CNTN4: variants seen among roughly 807,000 people sequenced by gnomAD.
CNTN4 encodes the protein contactin-4.
In CNTN4, 77 loss-of-function variants were observed where a neutral mutation model predicts 122.5. The observed-to-expected ratio is 0.63, with a 90% CI of 0.52 to 0.76. CNTN4 has a LOEUF of 0.76. Among genes scored for constraint, CNTN4 ranks in the 30% least tolerant of loss-of-function variants. CNTN4 has a pLI of 0.00. For missense variants in CNTN4, 1,256 were observed against 1,259.1 expected, an observed-to-expected ratio of 1.00 and a Z score of 0.04; for synonymous variants, 512 against 447.0, an observed-to-expected ratio of 1.15 and a Z score of -1.83.
intron 3 of CNTN4, among the ~76,000 whole-genome samples, chr3:2,371,440 T>C (rs2045630084): frequency 8.4e-6 from 1 of 119,160 alleles, no homozygotes; most frequent in African/African-American, 3.3e-5. Flanking sequence ...CACTTTTTCC[T>C]TTTTTCCTCT....
chr3:2,872,774 A>G (rs1024930135), intron 8 of CNTN4, among the ~76,000 whole-genome samples: 13 of 152,162 alleles, frequency 8.5e-5, no homozygotes, highest in African/African-American at 3.1e-4. Context: ...AGGTATGTAT[A>G]TATAAACCAG....
intron 2 of CNTN4, among the ~76,000 whole-genome samples, chr3:2,190,806 G>GCACA (rs34364522): frequency 0.08 from 11,856 of 147,514 alleles, 494 homozygotes; most frequent in African/African-American, 0.091. Context: ...AGGACTTTAT[G>GCACA]CACACACACA....
intron 2 of CNTN4, among the ~76,000 whole-genome samples, chr3:2,245,923 C>G (rs1218272437): frequency 2.6e-5 from 4 of 151,938 alleles, no homozygotes; most frequent in African/African-American, 7.2e-5. Flanking sequence ...TTTCTCTCAG[C>G]TCTTCTTTCA....
chr3:3,045,590 A>G (rs1700565556), intron 23 of CNTN4, among the ~76,000 whole-genome samples: 2 of 152,268 alleles, frequency 1.3e-5, no homozygotes, highest in South Asian at 4.1e-4. Flanking sequence ...AAGGAACACT[A>G]ACAAACAGAA....
chr3:2,552,463 C>T (rs1442857003), intron 3 of CNTN4, among the ~76,000 whole-genome samples: 1 of 152,156 alleles, frequency 6.6e-6, no homozygotes, highest in Admixed American at 6.6e-5. Flanking sequence ...GACAAATGCT[C>T]ATCATGTTGT....
At chr3:2,160,077 A>G (rs1422533510) in intron 2 of CNTN4, among the ~76,000 whole-genome samples, 1 of 152,172 alleles carries the variant, frequency 6.6e-6, no homozygotes, top group Non-Finnish European at 1.5e-5. Flanking sequence ...AGTTAAATGC[A>G]TAGTTTCCTA....
At chr3:2,840,359 T>C (rs941010560) in intron 7 of CNTN4, among the ~76,000 whole-genome samples, 64 of 152,036 alleles carry the variant, frequency 4.2e-4, no homozygotes, top group African/African-American at 1.5e-3. Context: ...TTGTTCCTGC[T>C]TGCCCTTCTC....
chr3:2,099,418 G>A (rs561495432), intron 1 of CNTN4: 1 of 152,658 alleles, frequency 6.6e-6, no homozygotes, highest in Admixed American at 6.5e-5. Flanking sequence ...CTGGCGCCGG[G>A]TTCCCGGCGG....
chr3:2,908,891 G>T (rs1167602874), intron 12 of CNTN4, among the ~76,000 whole-genome samples: 2 of 152,196 alleles, frequency 1.3e-5, no homozygotes, highest in African/African-American at 2.4e-5. Flanking sequence ...TATCCCGGGG[G>T]TTCTCCTGGC....
At chr3:2,894,003 C>T (rs1215575955) in intron 10 of CNTN4, among the ~76,000 whole-genome samples, 1 of 152,006 alleles carries the variant, frequency 6.6e-6, no homozygotes, top group Non-Finnish European at 1.5e-5. Flanking sequence ...ACTTAATTTA[C>T]TTTAAAATAA....
intron 4 of CNTN4, among the ~76,000 whole-genome samples, chr3:2,613,159 C>T (rs79261416): frequency 0.01 from 1,531 of 146,322 alleles, 20 homozygotes; most frequent in African/African-American, 0.037. Context: ...AGATAGCTTC[C>T]GTAGTTCTAA....
intron 3 of CNTN4, among the ~76,000 whole-genome samples, chr3:2,426,691 G>C (rs529438450): frequency 4.6e-5 from 7 of 152,090 alleles, no homozygotes; most frequent in African/African-American, 1.2e-4. Flanking sequence ...CTGTGAATCT[G>C]TCTGGTCCTG....
At chr3:2,386,193 C>G (rs2046250935) in intron 3 of CNTN4, among the ~76,000 whole-genome samples, 1 of 151,596 alleles carries the variant, frequency 6.6e-6, no homozygotes, top group African/African-American at 2.4e-5. Context: ...GCTTATTGAA[C>G]TCAAACATTC....
intron 10 of CNTN4, among the ~76,000 whole-genome samples, chr3:2,898,057 C>T (rs2094134381): frequency 6.6e-6 from 1 of 152,116 alleles, no homozygotes; most frequent in South Asian, 2.1e-4. Context: ...TCATCAAGCA[C>T]ATGACTTCAT....
intron 7 of CNTN4, among the ~76,000 whole-genome samples, chr3:2,835,643 C>G (rs140996633): frequency 6.6e-6 from 1 of 151,952 alleles, no homozygotes; most frequent in Non-Finnish European, 1.5e-5. Flanking sequence ...ATGCAAATTT[C>G]AAATCACATT....
intron 2 of CNTN4, among the ~76,000 whole-genome samples, chr3:2,147,454 C>G (rs144416578): frequency 6.6e-6 from 1 of 152,056 alleles, no homozygotes; most frequent in African/African-American, 2.4e-5. Flanking sequence ...GCTAGGGGCT[C>G]GTTAATTTTT....
At chr3:2,101,952 T>C (rs1559241723) in intron 2 of CNTN4, among the ~76,000 whole-genome samples, 1 of 152,210 alleles carries the variant, frequency 6.6e-6, no homozygotes, top group Non-Finnish European at 1.5e-5. Flanking sequence ...TCTGATACTC[T>C]AGCCAGTTGT....
chr3:2,894,230 G>A (rs2094079745), intron 10 of CNTN4, among the ~76,000 whole-genome samples: 1 of 152,070 alleles, frequency 6.6e-6, no homozygotes, highest in South Asian at 2.1e-4. Context: ...AAGAAAATAT[G>A]GTCTGACACA....
intron 14 of CNTN4, among the ~76,000 whole-genome samples, chr3:2,996,740 CAT>C (rs1480776566): frequency 6.6e-5 from 10 of 152,130 alleles, no homozygotes; most frequent in African/African-American, 1.2e-4. Context: ...GAAAACCTCA[CAT>C]GTTTCATTCT....
Sources: allele counts gnomAD v4.1 joint callset (sites outside exome capture counted in the v4.1 genomes callset), GRCh38; gene constraint gnomAD v4.1.1; transcripts MANE v1.5; gene names NCBI Gene and HGNC (gene_info 2026-07-23, HGNC 2026-07-21).